SLC17A1: variants seen among roughly 807,000 people sequenced by gnomAD.
The protein encoded by SLC17A1 is sodium-dependent phosphate transport protein 1.
In SLC17A1, 51 loss-of-function variants were observed where a neutral mutation model predicts 53.5. The ratio of observed to expected loss-of-function variants is 0.95; its 90% confidence interval spans 0.76 to 1.20. The LOEUF (loss-of-function observed/expected upper bound fraction) is 1.20, where lower values mean the gene tolerates loss of function less well. Ranked by LOEUF, SLC17A1 falls within the 50% of genes most tolerant of loss-of-function variation. The pLI, the probability that SLC17A1 is intolerant of heterozygous loss-of-function variation, is 0.00. For missense variants in SLC17A1, 538 were observed against 568.2 expected (o/e 0.95, Z 0.54); for synonymous variants, 179 against 198.8 (o/e 0.90, Z 0.84).
At chr6:25,779,873 A>C (rs1207357315), downstream of SLC17A1, 1 of 152,186 alleles carries the variant, frequency 6.6e-6, no homozygotes, top group Non-Finnish European at 1.5e-5. Context: ...TTAACATGTT[A>C]GTGAACAGAC....
At chr6:25,823,746 ATTATC>A (rs1445025088) in intron 3 of SLC17A1, among the ~76,000 whole-genome samples, 1 of 151,780 alleles carries the variant, frequency 6.6e-6, no homozygotes, top group Admixed American at 6.6e-5. Flanking sequence ...TTGTTTTTTC[ATTATC>A]TTAACAGTAT....
At chr6:25,727,846 C>T in the SLC17A1 span, among the ~76,000 whole-genome samples, 402 of 151,788 alleles carry the variant, frequency 2.6e-3, 3 homozygotes, top group Middle Eastern at 0.01. Flanking sequence ...GGTGAAACTC[C>T]GTCTCTACTA....
intron 2 of SLC17A1, 78 bp downstream of exon 2, chr6:25,830,446 A>G: frequency 1.7e-6 from 2 of 1,152,392 alleles, no homozygotes; most frequent in Non-Finnish European, 2.6e-6. Flanking sequence ...TATCACAAAA[A>G]TATTCTTCCA....
rs749475831 is a variant in SLC17A1, at chr6:25,800,895, T to G, written c.1264A>C (p.Lys422Gln). ...CACATCTGTATGTTTCTTACCTGCT[T>G]AAGGATCAATCCAGTCAAAGTGGAA... Reference protein sequence around the residue: ...IASTLTGLILKQDPESAWFKT... With the variant: ...IASTLTGLILQQDPESAWFKT... Residue 422 changes from lysine (K) to glutamine (Q), a missense_variant, in exon 11 of 13, where the codon AAG becomes CAG. Lys to Gln is a moderately conservative substitution (Grantham distance 53). Coordinates refer to ENST00000244527, the MANE Select transcript of SLC17A1 (RefSeq NM_005074.5). 3.2e-6 allele frequency: 5 copies of G among 1,586,706 alleles called. No individual in the cohort carries two copies. The African/African-American group carries it at 5.4e-5, about 17-fold the overall frequency.
chr6:25,804,911 A>G (rs988901844), intron 10 of SLC17A1, among the ~76,000 whole-genome samples: 19 of 152,156 alleles, frequency 1.2e-4, no homozygotes, highest in African/African-American at 4.3e-4. Flanking sequence ...CTAAGAAATG[A>G]GATAGACAGC....
chr6:25,821,970 T>C (rs1005838017), intron 3 of SLC17A1, among the ~76,000 whole-genome samples: 3 of 152,142 alleles, frequency 2.0e-5, no homozygotes, highest in Admixed American at 6.5e-5. Flanking sequence ...TCAATAAACA[T>C]AGGTCACAGA....
downstream of SLC17A1, among the ~76,000 whole-genome samples, chr6:25,781,532 A>T (rs189379033): frequency 3.8e-4 from 58 of 152,272 alleles, no homozygotes; most frequent in African/African-American, 1.4e-3. Flanking sequence ...TGGGTAACTT[A>T]TGAAGAAAAA....
At chr6:25,741,848 G>A in the SLC17A1 span, among the ~76,000 whole-genome samples, 3 of 151,916 alleles carry the variant, frequency 2.0e-5, no homozygotes, top group South Asian at 2.1e-4. Flanking sequence ...TGCAGTGAGT[G>A]GAGATCACAC....
chr6:25,809,044 G>A (rs1041675797), intron 10 of SLC17A1, among the ~76,000 whole-genome samples: 1 of 151,932 alleles, frequency 6.6e-6, no homozygotes, highest in Non-Finnish European at 1.5e-5. Flanking sequence ...AGGTTCATAT[G>A]CACAATGGAA....
At chr6:25,787,832 T>C (rs1450957049) in intron 12 of SLC17A1, among the ~76,000 whole-genome samples, 1 of 152,216 alleles carries the variant, frequency 6.6e-6, no homozygotes, top group East Asian at 1.9e-4. Flanking sequence ...CTCAGTTTTC[T>C]AGCCCTTGCC....
the SLC17A1 span, among the ~76,000 whole-genome samples, chr6:25,756,087 C>T: frequency 6.6e-6 from 1 of 152,140 alleles, no homozygotes; most frequent in East Asian, 1.9e-4. Context: ...CAATCTTGTC[C>T]TTTACAGCCC....
downstream of SLC17A1, chr6:25,779,353 C>A (rs376774995): frequency 8.1e-6 from 7 of 868,228 alleles, no homozygotes; most frequent in Non-Finnish European, 1.2e-5. Flanking sequence ...GAAGAAAACA[C>A]GCTAGTTATT....
chr6:25,781,383 A>G (rs1392092074), downstream of SLC17A1, among the ~76,000 whole-genome samples: 1 of 152,168 alleles, frequency 6.6e-6, no homozygotes, highest in East Asian at 1.9e-4. Context: ...GTGAGTAGTT[A>G]CCAATGCCAA....
At chr6:25,811,933 A>G (rs565584014) in intron 8 of SLC17A1, among the ~76,000 whole-genome samples, 163 bp from the exon 9 acceptor site, 3 of 152,336 alleles carry the variant, frequency 2.0e-5, no homozygotes, top group Non-Finnish European at 4.4e-5. Flanking sequence ...ATTACCCAAA[A>G]GAAAGAGAAA....
chr6:25,798,812 A>G lies in SLC17A1; in HGVS notation c.1377T>C (p.Ala459=). 1 of 1,609,488 alleles carries G rather than the reference A, an allele frequency of 6.2e-7. No homozygotes were observed. Among genetic ancestry groups the G allele is most frequent in the South Asian group, 1.1e-5 (1 of 90,050 alleles). Residue 459 remains alanine (A), a synonymous_variant, in exon 12 of 13, where the codon GCT becomes GCC. Coordinates refer to ENST00000244527, the MANE Select transcript of SLC17A1 (RefSeq NM_005074.5). ...AGAGACGTGTGTGTTGTTTTTCTTT[A>G]GCCCAGTCCTGAATTTCTGCTGTAG... The part of the protein sequence containing the change: ...IVATAEIQDW[A]KEKQHTRL
At chr6:25,800,543 C>CT in intron 11 of SLC17A1, among the ~76,000 whole-genome samples, 1 of 152,088 alleles carries the variant, frequency 6.6e-6, no homozygotes, top group South Asian at 2.1e-4. Context: ...ATTTTTCATT[C>CT]TTTTTTTGAG....
At chr6:25,798,389 G>A (rs913594723) in intron 12 of SLC17A1, among the ~76,000 whole-genome samples, 10 of 152,130 alleles carry the variant, frequency 6.6e-5, no homozygotes, top group African/African-American at 2.2e-4. Flanking sequence ...CTAAACCATT[G>A]TAAATTCTTA....
At chr6:25,737,237 T>G in the SLC17A1 span, among the ~76,000 whole-genome samples, 1 of 152,152 alleles carries the variant, frequency 6.6e-6, no homozygotes, top group East Asian at 1.9e-4. Flanking sequence ...AATCTAAGAT[T>G]GGATTTTTGG....
chr6:25,777,895 G>T, the SLC17A1 span: 1 of 1,573,784 alleles, frequency 6.4e-7, no homozygotes, highest in Non-Finnish European at 8.7e-7. Flanking sequence ...GGTATACTTG[G>T]TTATAATAGA....
Sources: gnomAD v4.1 joint callset for allele counts (sites outside exome capture counted in the v4.1 genomes callset) on GRCh38, gnomAD v4.1.1 for gene constraint, MANE v1.5 for transcripts, NCBI Gene and HGNC (gene_info 2026-07-23, HGNC 2026-07-21) for gene names.